Variants in UNC13B observed in about 807,000 individuals in gnomAD.
UNC13B encodes protein unc-13 homolog B.
UNC13B carries 144 observed loss-of-function variants against 211.0 expected under a neutral mutation model. The ratio of observed to expected loss-of-function variants is 0.68; its 90% confidence interval spans 0.60 to 0.78. UNC13B has a LOEUF of 0.78. UNC13B is among the 30% of genes least tolerant of loss of function. UNC13B has a pLI of 0.00. For missense variants in UNC13B, 1,777 were observed against 2,002.0 expected (o/e 0.89, Z 2.14); for synonymous variants, 709 against 725.8 (o/e 0.98, Z 0.37).
chr9:35,333,832 C>A (rs1353977276), intron 11 of UNC13B, among the ~76,000 whole-genome samples: 1 of 152,130 alleles, frequency 6.6e-6, no homozygotes, highest in Non-Finnish European at 1.5e-5. Flanking sequence ...TGACTTCAGG[C>A]CCAAAGAAGA....
chr9:35,222,911 C>T (rs1313174247), intron 1 of UNC13B, among the ~76,000 whole-genome samples: 5 of 152,172 alleles, frequency 3.3e-5, no homozygotes, highest in African/African-American at 1.2e-4. Context: ...CAGGAGATCT[C>T]CTTTATTTTA....
rs552326454 is a variant in UNC13B at position 35,304,744 on chromosome 9, G to A, written c.5340G>A (p.Gln1780=). 1.3e-5 allele frequency: 5 copies of A among 398,902 alleles called. No individual in the cohort carries two copies. The East Asian group carries it at 1.8e-4, about 14-fold the overall frequency. 24.7% of individuals were successfully genotyped at this position (398,902 alleles called of 1,614,324 possible). ...AATCCTTAGAGGCTTTGGCCATGCA[G>A]AAAGTGAATCAGCAGTCAGATTTAG... ...KSESLEALAM[Q]KVNQQSDLAE... The change falls in exon 9 of 40, where the codon CAG becomes CAA. Residue 1780 remains glutamine (Q), a synonymous_variant. Transcript: ENST00000635942.
Position 35,303,350 on chromosome 9 carries a change from G to A in UNC13B, c.3946G>A (p.Val1316Ile), listed in dbSNP as rs920154008. The A allele has an allele frequency of 1.0e-5, 4 of 398,536 alleles. No individual in the cohort carries two copies. The highest frequency in any genetic ancestry group is 6.2e-5 in the African/African-American group (3 of 48,608). The allele number at this position is 398,536 out of a possible 1,614,324, so 24.7% of individuals were successfully genotyped here. A position where few individuals can be genotyped will look rare whatever the true frequency, so the allele number is the denominator to read the frequency against. ...GGCTAAGAGGCAAATGCCAAACCATGTTCTTGAGGCAAAACTACATGAAAA... is the reference window on the plus strand; with the variant it reads ...GGCTAAGAGGCAAATGCCAAACCATATTCTTGAGGCAAAACTACATGAAAA... ...SMAKRQMPNH[V>I]LEAKLHENSN... The change falls in exon 9 of 40, where the codon GTT (valine) becomes ATT (isoleucine). Residue 1316 changes from valine (V) to isoleucine (I), a missense_variant. Coordinates refer to ENST00000635942, the MANE Select transcript of UNC13B (RefSeq NM_001371189.2).
At chr9:35,357,141 A>G (rs1833075621) in intron 11 of UNC13B, among the ~76,000 whole-genome samples, 1 of 152,206 alleles carries the variant, frequency 6.6e-6, no homozygotes, top group African/African-American at 2.4e-5. Context: ...TCTGTTTACC[A>G]TTTGAGGAAC....
At chr9:35,386,131 T>A in intron 23 of UNC13B, 34 bp from the exon 24 acceptor site, 1 of 1,613,612 alleles carries the variant, frequency 6.2e-7, no homozygotes, top group Non-Finnish European at 8.5e-7. Context: ...GGTGAGCAGG[T>A]CCTTGGGCCC....
chr9:35,304,408 T>TCTTTCAAAGAACCTTTCAAAGAAA lies in UNC13B; in HGVS notation c.5004_5005insCTTTCAAAGAACCTTTCAAAGAAA (p.Cys1668_Gly1669insLeuSerLysAsnLeuSerLysLys), dbSNP rs1829830078. On this transcript the variant is annotated inframe_insertion, in exon 9 of 40. Transcript: ENST00000635942. ...TTAGATCTTTCAAAGAAAGGCCGTG[T>TCTTTCAAAGAACCTTTCAAAGAAA]GGTTCTGAAGACGCTGAATGTACAT... The TCTTTCAAAGAACCTTTCAAAGAAA allele has an allele frequency of 1.3e-5, 5 of 398,728 alleles. No homozygotes were observed. In the East Asian group the frequency reaches 1.8e-4, roughly 14 times the overall value. 24.7% of individuals were successfully genotyped at this position (398,728 alleles called of 1,614,324 possible).
chr9:35,184,922 T>G (rs2131320134), intron 1 of UNC13B, among the ~76,000 whole-genome samples: 1 of 152,190 alleles, frequency 6.6e-6, no homozygotes, highest in East Asian at 1.9e-4. Flanking sequence ...GAGTCCTATG[T>G]TCTTACATTG....
rs779718236 is a variant in UNC13B at position 35,389,984 on chromosome 9, C to T, written c.11222+11C>T. 2 of 1,612,980 alleles carry T rather than the reference C, an allele frequency of 1.2e-6. No individual in the cohort carries two copies. Among genetic ancestry groups the T allele is most frequent in the Non-Finnish European group, 8.5e-7 (1 of 1,179,088 alleles). On this transcript the variant is annotated intron_variant, in intron 25 of 39. Coordinates refer to ENST00000635942, the MANE Select transcript of UNC13B (RefSeq NM_001371189.2). ...ACCTGTTCTGAACCAGTGAGTATCA[C>T]CCTCTTTGGCCCTGTCTGTTGGTGG...
chr9:35,299,774 A>G (rs561211582), intron 8 of UNC13B, among the ~76,000 whole-genome samples: 2 of 152,158 alleles, frequency 1.3e-5, no homozygotes, highest in South Asian at 4.1e-4. Flanking sequence ...TTGAACATGT[A>G]TTAAATCTTA....
intron 24 of UNC13B, among the ~76,000 whole-genome samples, chr9:35,387,769 A>G (rs1816494271): frequency 6.6e-6 from 1 of 152,230 alleles, no homozygotes; most frequent in South Asian, 2.1e-4. Context: ...CATTAGAGAC[A>G]TAAAGTTGAG....
intron 1 of UNC13B, among the ~76,000 whole-genome samples, chr9:35,175,743 G>A (rs904943589): frequency 2.0e-5 from 3 of 151,984 alleles, no homozygotes; most frequent in South Asian, 2.1e-4. Context: ...AAGGCCAGGC[G>A]TGGTGGCTCA....
rs1370825573 is a variant in UNC13B at position 35,304,804 on chromosome 9, C to A, written c.5400C>A (p.Ile1800=). Residue 1800 remains isoleucine (I), a synonymous_variant, in exon 9 of 40, where the codon ATC becomes ATA. Transcript: ENST00000635942. ...CAAATGATGGCTTTCAGTCATTAAT[C>A]ATGAGTAAGCAATTAGAGGGTAACT... ...ELTNDGFQSL[I]MSKQLEGNSP... 7 of 398,730 alleles carry A rather than the reference C, an allele frequency of 1.8e-5. No individual in the cohort carries two copies. The highest frequency in any genetic ancestry group is 3.1e-5 in the Non-Finnish European group (7 of 225,984). The allele number at this position is 398,730 out of a possible 1,614,324, so 24.7% of individuals were successfully genotyped here. A position where few individuals can be genotyped will look rare whatever the true frequency, so the allele number is the denominator to read the frequency against.
rs749007486 is a variant in UNC13B at position 35,393,574 on chromosome 9, C to CTTT, written c.11308+2879_11308+2881dup. Among the ~76,000 whole-genome samples, 84 of 118,860 alleles carry CTTT rather than the reference C, an allele frequency of 7.1e-4. 1 individual carries two copies. Among genetic ancestry groups the CTTT allele is most frequent in the African/African-American group, 8.9e-4 (28 of 31,488 alleles). 78.0% of individuals were successfully genotyped at this position (118,860 alleles called of 152,430 possible). On this transcript the variant is annotated intron_variant, in intron 26 of 39. Coordinates refer to ENST00000635942, the MANE Select transcript of UNC13B (RefSeq NM_001371189.2). ...ATGCATAGGCTTTTGGACTCTCTCTCTTTTTTTTTTTTTTTTTTTTTGAGT... is the reference window on the plus strand; with the variant it reads ...ATGCATAGGCTTTTGGACTCTCTCTCTTTTTTTTTTTTTTTTTTTTTTTTGAGT...
chr9:35,363,002 T>A (rs1289787399), intron 11 of UNC13B, among the ~76,000 whole-genome samples: 2 of 152,114 alleles, frequency 1.3e-5, no homozygotes, highest in Non-Finnish European at 2.9e-5. Flanking sequence ...AGAGTTGGAT[T>A]TTCCTCTATG....
At position 35,378,341 on chromosome 9, in the gene UNC13B, T is replaced by C. The variant is rs1285692752; in HGVS notation, c.10110T>C (p.Ser3370=). 1 of 1,614,154 alleles carries C rather than the reference T, an allele frequency of 6.2e-7. No homozygotes were observed. The highest frequency in any genetic ancestry group is 2.2e-5 in the East Asian group (1 of 44,872). Residue 3370 remains serine, a synonymous_variant, in exon 17 of 40, where the codon AGT becomes AGC. Coordinates refer to ENST00000635942, the MANE Select transcript of UNC13B (RefSeq NM_001371189.2). ...AAGCCAAGGACAAAACAGGATCCAG[T>C]GACCCTTACGTGACTGTGCAAGTCA... ...GLQAKDKTGS[S]DPYVTVQVSK...
chr9:35,379,126 C>A (rs1186302191), intron 17 of UNC13B, among the ~76,000 whole-genome samples: 1 of 151,926 alleles, frequency 6.6e-6, no homozygotes, highest in South Asian at 2.1e-4. Flanking sequence ...ATGTAGAGGC[C>A]TCCTTCTGTT....
chr9:35,339,367 G>A (rs1289685217), intron 11 of UNC13B, among the ~76,000 whole-genome samples: 1 of 152,212 alleles, frequency 6.6e-6, no homozygotes, highest in Non-Finnish European at 1.5e-5. Context: ...CAGATCCACT[G>A]TGATGAGGGG....
chr9:35,216,321 T>C (rs1824241625), intron 1 of UNC13B, among the ~76,000 whole-genome samples: 1 of 152,150 alleles, frequency 6.6e-6, no homozygotes, highest in Admixed American at 6.5e-5. Context: ...GGACACTGTA[T>C]GTAAAACAAA....
chr9:35,403,301 G>A (rs762015591), intron 38 of UNC13B, 42 bp downstream of exon 38: 1 of 1,608,248 alleles, frequency 6.2e-7, no homozygotes, highest in Non-Finnish European at 8.5e-7. Context: ...CTTGCCCAGT[G>A]GCCTCACTCA....
Sources: gnomAD v4.1 joint callset for allele counts (sites outside exome capture counted in the v4.1 genomes callset) on GRCh38, gnomAD v4.1.1 for gene constraint, MANE v1.5 for transcripts, NCBI Gene and HGNC (gene_info 2026-07-23, HGNC 2026-07-21) for gene names.